Variants in VKORC1L1 observed in about 807,000 individuals in gnomAD.
The protein encoded by VKORC1L1 is vitamin K epoxide reductase complex subunit 1-like protein 1.
VKORC1L1 carries 2 observed loss-of-function variants against 18.9 expected under a neutral mutation model. The ratio of observed to expected loss-of-function variants is 0.11; its 90% CI spans 0.04 to 0.33. VKORC1L1 has a LOEUF of 0.33. Among genes scored for constraint, VKORC1L1 ranks in the 10% least tolerant of loss-of-function variants. The pLI, the probability that VKORC1L1 is intolerant of heterozygous loss-of-function variation, is 1.00. For missense variants in VKORC1L1, 123 were observed against 224.1 expected (o/e 0.55, Z 2.88); for synonymous variants, 96 against 100.0 (o/e 0.96, Z 0.24).
chr7:65,866,215 A>G, the VKORC1L1 span, among the ~76,000 whole-genome samples: 26 of 152,300 alleles, frequency 1.7e-4, no homozygotes, highest in African/African-American at 5.5e-4. Flanking sequence ...AAGTATAAAC[A>G]TTCATAGGAG....
upstream of VKORC1L1, among the ~76,000 whole-genome samples, chr7:65,868,302 A>G (rs2116302822): frequency 6.6e-6 from 1 of 152,312 alleles, no homozygotes; most frequent in Middle Eastern, 3.4e-3. Context: ...TACAAATAAA[A>G]AATTGAAAGT....
intron 1 of VKORC1L1, among the ~76,000 whole-genome samples, chr7:65,879,093 A>G (rs1168625232): frequency 1.3e-5 from 2 of 152,036 alleles, no homozygotes; most frequent in South Asian, 2.1e-4. Context: ...CCACGTGACC[A>G]TATGATTCCT....
chr7:65,886,296 T>A (rs1421573535), intron 1 of VKORC1L1, among the ~76,000 whole-genome samples: 1 of 152,206 alleles, frequency 6.6e-6, no homozygotes, highest in Non-Finnish European at 1.5e-5. Flanking sequence ...GACCATTTAA[T>A]CAAGTTGATA....
At chr7:65,935,103 A>T (rs887324058) in intron 1 of VKORC1L1, among the ~76,000 whole-genome samples, 4 of 151,792 alleles carry the variant, frequency 2.6e-5, no homozygotes, top group Non-Finnish European at 5.9e-5. Flanking sequence ...CCATTTCTGA[A>T]ATTTCATATT....
chr7:65,905,916 A>G lies in VKORC1L1; in HGVS notation c.194+32351A>G, dbSNP rs73370626. 2.5e-3 allele frequency among the ~76,000 whole-genome samples: 381 copies of G among 152,240 alleles called. 3 individuals are homozygous for G. The highest frequency in any genetic ancestry group is 8.7e-3 in the African/African-American group (361 of 41,552). ...CTCTGAAATCTTTGAAATTCTATCAAAATCTCTTTGCCTTAAATTTGGCTA... is the reference window on the plus strand; with the variant it reads ...CTCTGAAATCTTTGAAATTCTATCAGAATCTCTTTGCCTTAAATTTGGCTA... On this transcript the variant is annotated intron_variant, in intron 1 of 2. Transcript: ENST00000360768.
rs146078647 is a variant in VKORC1L1, at chr7:65,926,338, T to C, written c.195-22333T>C. On this transcript the variant is annotated intron_variant, in intron 1 of 2. Transcript: ENST00000360768. The stretch of plus-strand genomic sequence containing the variant: ...GCCCAGCTAATTTTTGTAGTTTTAG[T>C]AGAGACGGGGTTTCACCATATTGGC... Among the ~76,000 whole-genome samples the C allele has an allele frequency of 7.6e-3, 1,152 of 152,152 alleles. 12 individuals carry two copies. Among genetic ancestry groups the C allele is most frequent in the African/African-American group, 0.026 (1,062 of 41,516 alleles).
intron 1 of VKORC1L1, among the ~76,000 whole-genome samples, chr7:65,928,088 C>T (rs1297793354): frequency 6.6e-6 from 1 of 151,824 alleles, no homozygotes; most frequent in African/African-American, 2.4e-5. Flanking sequence ...TCTACATGCC[C>T]CAAGAACTAT....
chr7:65,914,352 T>C (rs1789552661), intron 1 of VKORC1L1, among the ~76,000 whole-genome samples: 1 of 152,222 alleles, frequency 6.6e-6, no homozygotes, highest in Non-Finnish European at 1.5e-5. Context: ...TCCTCCCGCC[T>C]TGGCCTCCCA....
At chr7:65,904,950 T>C (rs1300409623) in intron 1 of VKORC1L1, among the ~76,000 whole-genome samples, 1 of 152,198 alleles carries the variant, frequency 6.6e-6, no homozygotes, top group Non-Finnish European at 1.5e-5. Context: ...ATGTATGTTA[T>C]ACACATCGTA....
intron 1 of VKORC1L1, among the ~76,000 whole-genome samples, chr7:65,898,349 G>A (rs1484973997): frequency 6.6e-6 from 1 of 152,076 alleles, no homozygotes; most frequent in Non-Finnish European, 1.5e-5. Flanking sequence ...CTCCCAAAGT[G>A]TTGGGATTAC....
intron 1 of VKORC1L1, among the ~76,000 whole-genome samples, chr7:65,943,268 A>G (rs1790066321): frequency 6.6e-6 from 1 of 152,138 alleles, no homozygotes; most frequent in South Asian, 2.1e-4. Context: ...AACAAAAATA[A>G]TAAGGAATTT....
At chr7:65,894,795 C>CA (rs1427926449) in intron 1 of VKORC1L1, among the ~76,000 whole-genome samples, 1 of 152,142 alleles carries the variant, frequency 6.6e-6, no homozygotes, top group Non-Finnish European at 1.5e-5. Context: ...CCTGTAATCC[C>CA]AGCACTTTGG....
intron 1 of VKORC1L1, among the ~76,000 whole-genome samples, chr7:65,877,433 C>T (rs543018301): frequency 9.2e-5 from 14 of 152,032 alleles, no homozygotes; most frequent in African/African-American, 3.4e-4. Context: ...CTGCAACCTC[C>T]ACCTCCCGGG....
In VKORC1L1 at chr7:65,959,137, T is replaced by C. The variant is rs1790352359; in HGVS notation, c.*4837T>C. The C allele has an allele frequency of 6.6e-6, 1 of 151,972 alleles. No individual in the cohort carries two copies. Among genetic ancestry groups the C allele is most frequent in the South Asian group, 2.1e-4 (1 of 4,804 alleles). 9.4% of individuals were successfully genotyped at this position (151,972 alleles called of 1,614,324 possible). A position where few individuals can be genotyped will look rare whatever the true frequency, so the allele number is the denominator to read the frequency against. The stretch of plus-strand genomic sequence containing the variant: ...TGGCCAACATGGTGAAACCTGCCTC[T>C]ACTGAAAAATACAGAAAAATTAGCC... On this transcript the variant is annotated 3_prime_UTR_variant, in exon 3 of 3. Coordinates refer to ENST00000360768, the MANE Select transcript of VKORC1L1 (RefSeq NM_173517.6).
At chr7:65,942,044 T>C (rs776616412) in intron 1 of VKORC1L1, among the ~76,000 whole-genome samples, 3 of 152,146 alleles carry the variant, frequency 2.0e-5, no homozygotes, top group Non-Finnish European at 2.9e-5. Flanking sequence ...ACCTGTACTT[T>C]ATGATGTATA....
intron 2 of VKORC1L1, 37 bp from the exon 3 acceptor site, chr7:65,954,037 C>A: frequency 6.4e-7 from 1 of 1,557,154 alleles, no homozygotes; most frequent in Non-Finnish European, 8.7e-7. Context: ...CTCTCCAGCA[C>A]CAAGGCCTGA....
intron 1 of VKORC1L1, among the ~76,000 whole-genome samples, chr7:65,935,455 G>T (rs996763407): frequency 1.3e-5 from 2 of 151,816 alleles, no homozygotes; most frequent in African/African-American, 4.8e-5. Context: ...AATTACAGAC[G>T]CACGCCACCA....
At chr7:65,926,079 A>G (rs1324194372) in intron 1 of VKORC1L1, among the ~76,000 whole-genome samples, 1 of 152,030 alleles carries the variant, frequency 6.6e-6, no homozygotes, top group Non-Finnish European at 1.5e-5. Flanking sequence ...CTATGGTAAC[A>G]TATGTTGGGT....
At chr7:65,917,772 C>T (rs1789612483) in intron 1 of VKORC1L1, among the ~76,000 whole-genome samples, 1 of 152,194 alleles carries the variant, frequency 6.6e-6, no homozygotes. Context: ...CATTATTTGA[C>T]ACATTTTCTT....
Sources: gnomAD v4.1 joint callset for allele counts (sites outside exome capture counted in the v4.1 genomes callset) on GRCh38, gnomAD v4.1.1 for gene constraint, MANE v1.5 for transcripts, NCBI Gene and HGNC (gene_info 2026-07-23, HGNC 2026-07-21) for gene names.